ABCB4: variants seen among roughly 807,000 people sequenced by gnomAD.
ABCB4 encodes the protein phosphatidylcholine translocator ABCB4.
A neutral mutation model predicts 145.7 loss-of-function variants in ABCB4; 76 were observed. The ratio of observed to expected loss-of-function variants is 0.52; its 90% CI spans 0.43 to 0.63. The LOEUF is 0.63. ABCB4 is among the 30% of genes least tolerant of loss of function. ABCB4 has a pLI of 0.00. For synonymous variants in ABCB4, 517 were observed against 566.8 expected, an observed-to-expected ratio of 0.91 and a Z score of 1.25; for missense variants, 1,234 against 1,553.1, an observed-to-expected ratio of 0.79 and a Z score of 3.45.
At chr7:87,429,570 G>T (rs894036002) in intron 15 of ABCB4, among the ~76,000 whole-genome samples, 1 of 152,230 alleles carries the variant, frequency 6.6e-6, no homozygotes, top group Non-Finnish European at 1.5e-5. Context: ...CAATAGGACA[G>T]CCAAGTGGTT....
chr7:87,426,944 A>AGAGTGT (rs1809865539), intron 15 of ABCB4, 24 bp from the exon 16 acceptor site: 1 of 1,032,090 alleles, frequency 9.7e-7, no homozygotes, highest in African/African-American at 1.6e-5. Flanking sequence ...AAGACATTAA[A>AGAGTGT]GTGTGTGTGT....
At chr7:87,398,137 T>C (rs1046461981), downstream of ABCB4, among the ~76,000 whole-genome samples, 1 of 151,784 alleles carries the variant, frequency 6.6e-6, no homozygotes, top group African/African-American at 2.4e-5. Flanking sequence ...TCAAGTACTC[T>C]TTAAAAACAG....
At chr7:87,375,538 A>T in the ABCB4 span, 1 of 816,004 alleles carries the variant, frequency 1.2e-6, no homozygotes, top group African/African-American at 1.7e-5. Context: ...ATATCCAAAC[A>T]TTTAAATATT....
At chr7:87,402,711 AC>A (rs1355826242) in intron 27 of ABCB4, among the ~76,000 whole-genome samples, 2 of 152,206 alleles carry the variant, frequency 1.3e-5, no homozygotes, top group African/African-American at 4.8e-5. Flanking sequence ...CTTCAAAATA[AC>A]CACTATCAGC....
intron 21 of ABCB4, among the ~76,000 whole-genome samples, chr7:87,415,212 C>T (rs1808883602): frequency 6.6e-6 from 1 of 152,080 alleles, no homozygotes; most frequent in African/African-American, 2.4e-5. Context: ...GTCTTCCCTC[C>T]CCACTCCCTG....
intron 3 of ABCB4, among the ~76,000 whole-genome samples, chr7:87,465,282 C>A (rs1362285227): frequency 6.6e-6 from 1 of 152,236 alleles, no homozygotes; most frequent in East Asian, 1.9e-4. Flanking sequence ...TCATTGCTAG[C>A]ACAGCAGTCT....
chr7:87,394,008 A>G, the ABCB4 span, among the ~76,000 whole-genome samples: 11 of 152,208 alleles, frequency 7.2e-5, no homozygotes, highest in Admixed American at 2.0e-4. Flanking sequence ...ATTTACTACC[A>G]TAAAATATAC....
At chr7:87,375,912 G>A in the ABCB4 span, 3 of 1,613,190 alleles carry the variant, frequency 1.9e-6, no homozygotes. Flanking sequence ...ATATTCCATG[G>A]AGGATAGCAG....
At chr7:87,381,854 G>A in the ABCB4 span, 1 of 1,198,018 alleles carries the variant, frequency 8.3e-7, no homozygotes, top group Non-Finnish European at 1.2e-6. Flanking sequence ...TAAAATATTG[G>A]GTCAAGTTTT....
At chr7:87,465,660 A>G (rs1186585501) in intron 3 of ABCB4, among the ~76,000 whole-genome samples, 1 of 152,224 alleles carries the variant, frequency 6.6e-6, no homozygotes, top group Non-Finnish European at 1.5e-5. Flanking sequence ...CAGTAGGGGC[A>G]GACTGACACC....
the ABCB4 span, among the ~76,000 whole-genome samples, chr7:87,388,453 G>C: frequency 6.6e-6 from 1 of 152,042 alleles, no homozygotes; most frequent in Non-Finnish European, 1.5e-5. Flanking sequence ...ACAGAACAGA[G>C]GCCTTAGAAA....
intron 7 of ABCB4, among the ~76,000 whole-genome samples, chr7:87,450,980 T>C (rs1350880935): frequency 1.3e-5 from 2 of 152,218 alleles, no homozygotes; most frequent in Non-Finnish European, 1.5e-5. Flanking sequence ...CAGGCAAAAC[T>C]GGCAGAGTGC....
intron 9 of ABCB4, among the ~76,000 whole-genome samples, chr7:87,446,350 A>G (rs1811342544): frequency 6.6e-6 from 1 of 152,234 alleles, no homozygotes; most frequent in Non-Finnish European, 1.5e-5. Flanking sequence ...AAATATTGGT[A>G]GTTCATAAAT....
chr7:87,380,122 TAAG>T, the ABCB4 span, among the ~76,000 whole-genome samples: 1 of 151,996 alleles, frequency 6.6e-6, no homozygotes, highest in Admixed American at 6.6e-5. Flanking sequence ...AAAATAATAA[TAAG>T]AAGAAAAATA....
At chr7:87,367,443 A>G in the ABCB4 span, among the ~76,000 whole-genome samples, 1 of 152,228 alleles carries the variant, frequency 6.6e-6, no homozygotes, top group Non-Finnish European at 1.5e-5. Context: ...GACACATTTC[A>G]GATTTCTGGT....
At chr7:87,463,779 G>A (rs1231128385) in intron 3 of ABCB4, among the ~76,000 whole-genome samples, 1 of 152,176 alleles carries the variant, frequency 6.6e-6, no homozygotes, top group Non-Finnish European at 1.5e-5. Flanking sequence ...GAGGGGAAGG[G>A]TGATACCAGT....
the ABCB4 span, among the ~76,000 whole-genome samples, chr7:87,390,612 C>G: frequency 6.6e-6 from 1 of 152,142 alleles, no homozygotes; most frequent in African/African-American, 2.4e-5. Context: ...TATTTGATCT[C>G]TTTGACTCTA....
intron 25 of ABCB4, among the ~76,000 whole-genome samples, chr7:87,407,787 GGAAAGGCCCAT>G (rs1432683044): frequency 3.9e-5 from 6 of 152,164 alleles, no homozygotes; most frequent in Non-Finnish European, 7.3e-5. Context: ...CAGACTGACT[GGAAAGGCCCAT>G]GACAGGGTAA....
chr7:87,366,242 AT>A, the ABCB4 span, among the ~76,000 whole-genome samples: 22 of 150,164 alleles, frequency 1.5e-4, no homozygotes, highest in East Asian at 5.9e-4. Context: ...GCAAGGGGGA[AT>A]TTTTTTTTTC....
Sources: gnomAD v4.1 joint callset for allele counts (sites outside exome capture counted in the v4.1 genomes callset) on GRCh38, gnomAD v4.1.1 for gene constraint, MANE v1.5 for transcripts, NCBI Gene and HGNC (gene_info 2026-07-23, HGNC 2026-07-21) for gene names.